UHRF1: variants seen among roughly 807,000 people sequenced by gnomAD.
UHRF1 encodes the protein ubiquitin like with PHD and ring finger domains 1, also known as E3 ubiquitin-protein ligase UHRF1.
UHRF1 carries 9 observed loss-of-function variants against 96.5 expected under a neutral mutation model. The ratio of observed to expected loss-of-function variants is 0.09; its 90% CI spans 0.06 to 0.16. The LOEUF is 0.16. Among genes scored for constraint, UHRF1 ranks in the 10% least tolerant of loss-of-function variants. The pLI is 1.00. For missense variants in UHRF1, 626 were observed against 1,131.1 expected (o/e 0.55, Z 6.40); for synonymous variants, 455 against 469.9 (o/e 0.97, Z 0.41).
chr19:4,922,339 C>T (rs1006364369), intron 2 of UHRF1, among the ~76,000 whole-genome samples: 4 of 150,252 alleles, frequency 2.7e-5, no homozygotes, highest in Admixed American at 1.3e-4. Flanking sequence ...GATCTCGGCT[C>T]ACTGCAAACT....
intron 2 of UHRF1, among the ~76,000 whole-genome samples, chr19:4,923,463 C>T (rs1449951151): frequency 3.3e-5 from 5 of 152,158 alleles, no homozygotes; most frequent in African/African-American, 1.2e-4. Context: ...TGGTTTCCCT[C>T]GTGCGCTGAG....
chr19:4,947,939 A>G (rs1181115778), intron 11 of UHRF1, among the ~76,000 whole-genome samples: 1 of 151,764 alleles, frequency 6.6e-6, no homozygotes, highest in Non-Finnish European at 1.5e-5. Context: ...ATCTACAAAA[A>G]GTAAAAATAA....
At position 4,911,027 on chromosome 19, in the gene UHRF1, A is replaced by AG. The variant is rs2032248837; in HGVS notation, c.146dup (p.Lys50GlnfsTer18). ...GCCAGGCCTGCAGAGGCTGTTCTAC[A>AG]GGGGCAAACAGGTACACCCGCCGCC... On this transcript the variant is annotated frameshift_variant, in exon 2 of 17. Transcript: ENST00000650932. LOFTEE classifies it high-confidence loss of function. The AG allele has an allele frequency of 6.3e-7, 1 of 1,598,628 alleles. No homozygotes were observed.
intron 9 of UHRF1, among the ~76,000 whole-genome samples, 161 bp from the exon 10 acceptor site, chr19:4,945,700 C>T (rs1456837425): frequency 1.3e-5 from 2 of 150,246 alleles, no homozygotes; most frequent in Non-Finnish European, 2.9e-5. Context: ...CTCCGGCCGT[C>T]TCTAGCCGAG....
intron 5 of UHRF1, among the ~76,000 whole-genome samples, chr19:4,936,077 C>T (rs551661617): frequency 6.6e-6 from 1 of 152,164 alleles, no homozygotes; most frequent in South Asian, 2.1e-4. Flanking sequence ...TTCATTCATG[C>T]TTGTGTCCCG....
At chr19:4,908,062 T>C (rs529274220), upstream of UHRF1, among the ~76,000 whole-genome samples, 78 of 152,298 alleles carry the variant, frequency 5.1e-4, no homozygotes, top group Non-Finnish European at 8.4e-4. Flanking sequence ...CTCCTTTGAC[T>C]TTGACCTTTT....
chr19:4,927,188 TG>T (rs2032899084), intron 2 of UHRF1, among the ~76,000 whole-genome samples: 1 of 152,092 alleles, frequency 6.6e-6, no homozygotes, highest in Admixed American at 6.6e-5. Context: ...AAAACCAGCC[TG>T]GCCAACATGG....
chr19:4,942,971 G>A (rs887615693), intron 7 of UHRF1, among the ~76,000 whole-genome samples: 5 of 151,740 alleles, frequency 3.3e-5, no homozygotes, highest in African/African-American at 1.2e-4. Context: ...CAGGTGCAGT[G>A]GCTCATGCCT....
At chr19:4,911,539 T>C (rs2032274956) in intron 2 of UHRF1, among the ~76,000 whole-genome samples, 1 of 152,170 alleles carries the variant, frequency 6.6e-6, no homozygotes, top group Non-Finnish European at 1.5e-5. Flanking sequence ...AGATGGCGCT[T>C]GCTAATCAGG....
intron 16 of UHRF1, among the ~76,000 whole-genome samples, chr19:4,959,887 G>T (rs2033946853): frequency 6.6e-6 from 1 of 152,140 alleles, no homozygotes; most frequent in African/African-American, 2.4e-5. Flanking sequence ...GAGACGCAGA[G>T]TCTTGCCCTG....
chr19:4,960,444 C>T (rs7343108), intron 16 of UHRF1, among the ~76,000 whole-genome samples: 4,769 of 152,134 alleles, frequency 0.031, 254 homozygotes, highest in African/African-American at 0.11. Flanking sequence ...GCATGACCTG[C>T]CAGGGACAAA....
At position 4,930,546 on chromosome 19, in the gene UHRF1, G is replaced by A. The variant is rs1599263071; in HGVS notation, c.409-170G>A. Reference sequence around the variant, plus strand: ...GCCCCGCATCCCCGTCACCCCTGCCGGGGCTGGTTTCTCATGGTCAGCGGT... The same window carrying A: ...GCCCCGCATCCCCGTCACCCCTGCCAGGGCTGGTTTCTCATGGTCAGCGGT... On this transcript the variant is annotated intron_variant, in intron 3 of 16. Transcript: ENST00000650932. This position sits in a 1 kb window ranked among gnomAD's most constrained non-coding sequence, Gnocchi z 4.4. 2.6e-5 allele frequency among the ~76,000 whole-genome samples: 4 copies of A among 152,230 alleles called. No individual in the cohort carries two copies. The highest frequency in any genetic ancestry group is 7.2e-5 in the African/African-American group (3 of 41,470).
chr19:4,924,834 T>G (rs955412032), intron 2 of UHRF1, among the ~76,000 whole-genome samples: 12 of 150,976 alleles, frequency 7.9e-5, no homozygotes, highest in African/African-American at 2.2e-4. Context: ...AAGTTTTTTT[T>G]TTTTTTTTTT....
chr19:4,929,431 A>G lies in UHRF1; in HGVS notation c.363A>G (p.Pro121=). ...GEAAAETDSR[P]ADEDMWDETE... Reference sequence around the variant, plus strand: ...CGGCCGCCGAGACTGACAGCAGGCCAGCCGATGAGGACATGTGGGATGAGA... The same window carrying G: ...CGGCCGCCGAGACTGACAGCAGGCCGGCCGATGAGGACATGTGGGATGAGA... The change falls in exon 3 of 17, where the codon CCA becomes CCG. Residue 121 remains proline (P), a synonymous_variant. Coordinates refer to ENST00000650932, the MANE Select transcript of UHRF1 (RefSeq NM_001048201.3). 1 of 1,613,864 alleles carries G rather than the reference A, an allele frequency of 6.2e-7. No individual in the cohort carries two copies. Among genetic ancestry groups the G allele is most frequent in the Non-Finnish European group, 8.5e-7 (1 of 1,179,860 alleles).
chr19:4,953,112 G>A (rs1248228460), intron 13 of UHRF1, among the ~76,000 whole-genome samples: 1 of 152,120 alleles, frequency 6.6e-6, no homozygotes, highest in Non-Finnish European at 1.5e-5. Flanking sequence ...CGCTTACCCC[G>A]ACCCTGCCAG....
chr19:4,924,826 G>GTTTT (rs35008694), intron 2 of UHRF1, among the ~76,000 whole-genome samples: 7 of 127,314 alleles, frequency 5.5e-5, no homozygotes, highest in African/African-American at 1.8e-4. Flanking sequence ...TTGGTGTTAA[G>GTTTT]TTTTTTTTTT....
intron 5 of UHRF1, among the ~76,000 whole-genome samples, chr19:4,941,099 T>G (rs2033383131): frequency 7.0e-6 from 1 of 142,172 alleles, no homozygotes; most frequent in African/African-American, 2.7e-5. Flanking sequence ...TTTTTTTTTT[T>G]TTTTTTTTTG....
upstream of UHRF1, among the ~76,000 whole-genome samples, chr19:4,907,748 T>C (rs1386494127): frequency 6.7e-6 from 1 of 149,100 alleles, no homozygotes; most frequent in Non-Finnish European, 1.5e-5. Context: ...GTTTTGCTTT[T>C]GTTGCCCAGG....
chr19:4,929,485 C>T lies in UHRF1; in HGVS notation c.408+9C>T, dbSNP rs148752888. 2.1e-5 allele frequency: 34 copies of T among 1,606,456 alleles called. 1 individual carries two copies. Among genetic ancestry groups the T allele is most frequent in the Admixed American group, 8.4e-5 (5 of 59,584 alleles). On this transcript the variant is annotated intron_variant, in intron 3 of 16. Transcript: ENST00000650932. ...AATTGGGGCTGTACAAGGTGAGCCT[C>T]CCCTCCGCAGCTGCTCTGGGGTTGG...
Sources: gnomAD v4.1 joint callset for allele counts (sites outside exome capture counted in the v4.1 genomes callset) on GRCh38, gnomAD v4.1.1 for gene constraint, Gnocchi (gnomAD v3.1) non-coding constraint, MANE v1.5 for transcripts, NCBI Gene and HGNC (gene_info 2026-07-23, HGNC 2026-07-21) for gene names.